The following ENOX1 variants were observed in gnomAD, a reference collection of about 807,000 sequenced individuals.
ENOX1 encodes the protein candidate growth-related and time keeping constitutive hydroquinone (NADH) oxidase.
ENOX1 carries 42 observed loss-of-function variants against 82.5 expected under a neutral mutation model. That is an observed-to-expected ratio of 0.51 (90% confidence interval 0.40 to 0.66). The LOEUF is 0.66. Ranked by LOEUF, ENOX1 falls within the 30% of genes least tolerant of loss-of-function variation. The pLI is 0.00. For missense variants in ENOX1, 608 were observed against 811.6 expected (o/e 0.75, Z 3.05); for synonymous variants, 271 against 282.2 (o/e 0.96, Z 0.40).
intron 1 of ENOX1, among the ~76,000 whole-genome samples, chr13:43,755,481 T>G (rs1290575590): frequency 6.6e-6 from 1 of 152,176 alleles, no homozygotes; most frequent in Non-Finnish European, 1.5e-5. Context: ...CTGCATGCTC[T>G]CTCTCTCTCA....
intron 2 of ENOX1, among the ~76,000 whole-genome samples, chr13:43,532,256 T>G (rs1403509562): frequency 6.6e-6 from 1 of 152,144 alleles, no homozygotes; most frequent in Non-Finnish European, 1.5e-5. Flanking sequence ...ATTTTTAATT[T>G]AAAATCTGTA....
chr13:43,300,327 C>A (rs1479184577), intron 11 of ENOX1, among the ~76,000 whole-genome samples: 1 of 151,914 alleles, frequency 6.6e-6, no homozygotes, highest in Non-Finnish European at 1.5e-5. Context: ...AGTGTGATGT[C>A]TGGAATACAG....
chr13:43,611,129 A>C (rs748738980), intron 2 of ENOX1, among the ~76,000 whole-genome samples: 1 of 152,180 alleles, frequency 6.6e-6, no homozygotes, highest in Non-Finnish European at 1.5e-5. Context: ...CAAATTGCCT[A>C]AGTGTTATAT....
chr13:43,684,893 A>G (rs941651703), intron 1 of ENOX1, among the ~76,000 whole-genome samples: 49 of 152,216 alleles, frequency 3.2e-4, no homozygotes, highest in African/African-American at 1.2e-3. Context: ...AGTCAAATCA[A>G]AAAAAATAAT....
chr13:43,737,183 A>G (rs571132322), intron 1 of ENOX1, among the ~76,000 whole-genome samples: 1 of 152,352 alleles, frequency 6.6e-6, no homozygotes, highest in South Asian at 2.1e-4. Flanking sequence ...TAATAATTTA[A>G]ATTTGTGTTG....
At chr13:43,505,637 G>C (rs1400249479) in intron 2 of ENOX1, among the ~76,000 whole-genome samples, 2 of 152,040 alleles carry the variant, frequency 1.3e-5, no homozygotes, top group Admixed American at 1.3e-4. Flanking sequence ...GTTCGTTGTA[G>C]ATTCTGGATA....
chr13:43,471,239 C>T (rs914450177), intron 3 of ENOX1, among the ~76,000 whole-genome samples: 1 of 151,746 alleles, frequency 6.6e-6, no homozygotes, highest in Non-Finnish European at 1.5e-5. Context: ...GAGTATGGTT[C>T]CATTTATATA....
chr13:43,559,762 T>C (rs2079589585), intron 2 of ENOX1, among the ~76,000 whole-genome samples: 1 of 152,180 alleles, frequency 6.6e-6, no homozygotes, highest in Admixed American at 6.5e-5. Context: ...AATACAACTT[T>C]CATTCCAACA....
At chr13:43,777,112 T>C (rs1363423978) in intron 1 of ENOX1, among the ~76,000 whole-genome samples, 1 of 152,192 alleles carries the variant, frequency 6.6e-6, no homozygotes, top group Non-Finnish European at 1.5e-5. Context: ...CATACAATGG[T>C]CACCAGGGGA....
At chr13:43,474,933 C>A (rs2058217157) in intron 3 of ENOX1, among the ~76,000 whole-genome samples, 1 of 151,988 alleles carries the variant, frequency 6.6e-6, no homozygotes, top group Admixed American at 6.6e-5. Context: ...GGCCTACCCA[C>A]AGAGAAAGGG....
intron 1 of ENOX1, among the ~76,000 whole-genome samples, chr13:43,781,774 G>C (rs1055727442): frequency 6.6e-6 from 1 of 152,304 alleles, no homozygotes; most frequent in South Asian, 2.1e-4. Flanking sequence ...ACCTCTCAAA[G>C]TGCTGGGATT....
At chr13:43,527,499 T>C (rs1435084510) in intron 2 of ENOX1, among the ~76,000 whole-genome samples, 1 of 152,172 alleles carries the variant, frequency 6.6e-6, no homozygotes, top group Non-Finnish European at 1.5e-5. Flanking sequence ...ACTTGATTTT[T>C]TAAAAAATAT....
At chr13:43,522,459 C>A (rs887912680) in intron 2 of ENOX1, among the ~76,000 whole-genome samples, 1 of 152,076 alleles carries the variant, frequency 6.6e-6, no homozygotes, top group Non-Finnish European at 1.5e-5. Context: ...CACACAGAAT[C>A]CTAGATGATA....
intron 1 of ENOX1, among the ~76,000 whole-genome samples, chr13:43,757,421 GC>G (rs1264169705): frequency 6.6e-6 from 1 of 152,158 alleles, no homozygotes; most frequent in Non-Finnish European, 1.5e-5. Flanking sequence ...CACCAAGCTG[GC>G]CAGCTGGATG....
intron 1 of ENOX1, among the ~76,000 whole-genome samples, chr13:43,714,741 G>C: frequency 6.6e-6 from 1 of 152,060 alleles, no homozygotes; most frequent in Non-Finnish European, 1.5e-5. Context: ...TGCAACCCCT[G>C]CCTTTTTTTG....
intron 12 of ENOX1, among the ~76,000 whole-genome samples, chr13:43,277,633 T>A (rs73176317): frequency 3.1e-4 from 47 of 152,276 alleles, no homozygotes; most frequent in Non-Finnish European, 5.4e-4. Context: ...TGTGCGTACA[T>A]CTGAGCAATG....
chr13:43,331,025 T>C (rs1025194073), intron 9 of ENOX1, among the ~76,000 whole-genome samples: 3 of 152,214 alleles, frequency 2.0e-5, no homozygotes, highest in African/African-American at 7.2e-5. Flanking sequence ...AGCGCTGGTC[T>C]TCAGCCTTCT....
At chr13:43,386,128 T>A (rs1284050131) in intron 5 of ENOX1, among the ~76,000 whole-genome samples, 1 of 152,194 alleles carries the variant, frequency 6.6e-6, no homozygotes, top group Non-Finnish European at 1.5e-5. Flanking sequence ...ACTGTTCCAC[T>A]GCATTCCAGC....
chr13:43,768,637 TATTTA>T (rs1452973548), intron 1 of ENOX1, among the ~76,000 whole-genome samples: 3 of 152,138 alleles, frequency 2.0e-5, no homozygotes, highest in African/African-American at 4.8e-5. Flanking sequence ...CATAAATAAA[TATTTA>T]ATTTGACAAT....
Sources: allele counts gnomAD v4.1 joint callset (sites outside exome capture counted in the v4.1 genomes callset), GRCh38; gene constraint gnomAD v4.1.1; transcripts MANE v1.5; gene names NCBI Gene and HGNC (gene_info 2026-07-23, HGNC 2026-07-21).